Variants in HINT3 observed in about 807,000 individuals in gnomAD.
HINT3 encodes histidine triad nucleotide binding protein 3.
In HINT3, 16 loss-of-function variants were observed where a neutral mutation model predicts 19.1. That is an observed-to-expected ratio of 0.84 (90% CI 0.57 to 1.27). HINT3 has a LOEUF of 1.27. Among genes scored for constraint, HINT3 ranks in the 50% most tolerant of loss-of-function variants. The pLI, the probability that HINT3 is intolerant of heterozygous loss-of-function variation, is 0.00. For missense variants in HINT3, 197 were observed against 225.8 expected (o/e 0.87, Z 0.82); for synonymous variants, 75 against 84.8 (o/e 0.88, Z 0.63).
At chr6:125,961,230 A>G (rs1788920815) in intron 1 of HINT3, among the ~76,000 whole-genome samples, 1 of 152,194 alleles carries the variant, frequency 6.6e-6, no homozygotes, top group South Asian at 2.1e-4. Context: ...CAGTGGAAAA[A>G]CACAAACTGT....
At chr6:125,962,149 C>CATATATATATACACATATATAT (rs1788934693) in intron 1 of HINT3, among the ~76,000 whole-genome samples, 1 of 38,646 alleles carries the variant, frequency 2.6e-5, no homozygotes, top group Admixed American at 4.1e-4. Flanking sequence ...GATGGAAACC[C>CATATATATATACACATATATAT]ATATATATAT....
At chr6:125,976,448 A>G (rs1477602261) in intron 4 of HINT3, among the ~76,000 whole-genome samples, 1 of 150,232 alleles carries the variant, frequency 6.7e-6, no homozygotes, top group Non-Finnish European at 1.5e-5. Context: ...AGATACATAT[A>G]TATGTATGTG....
intron 3 of HINT3, among the ~76,000 whole-genome samples, chr6:125,974,385 T>C (rs1383086654): frequency 6.6e-6 from 1 of 151,922 alleles, no homozygotes; most frequent in African/African-American, 2.4e-5. Context: ...ACTGAAATAT[T>C]GTTGGTTTGG....
intron 1 of HINT3, among the ~76,000 whole-genome samples, chr6:125,959,726 A>C (rs544813428): frequency 6.6e-6 from 1 of 152,332 alleles, no homozygotes; most frequent in Admixed American, 6.5e-5. Context: ...CTTTTAAAAC[A>C]GTGAAACCTT....
chr6:125,964,587 G>T (rs747652057), intron 1 of HINT3, among the ~76,000 whole-genome samples: 1 of 151,940 alleles, frequency 6.6e-6, no homozygotes, highest in African/African-American at 2.4e-5. Flanking sequence ...TGTATATGAA[G>T]ATCTTCCTCA....
chr6:125,968,647 T>C (rs1176790337), intron 2 of HINT3, among the ~76,000 whole-genome samples: 1 of 152,226 alleles, frequency 6.6e-6, no homozygotes, highest in Non-Finnish European at 1.5e-5. Context: ...GTAAGTGTTA[T>C]GTTTTCTCTT....
chr6:125,974,836 T>C lies in HINT3; in HGVS notation c.390-11T>C, dbSNP rs376235645. 2.5e-6 allele frequency: 4 copies of C among 1,604,008 alleles called. No individual in the cohort carries two copies. The highest frequency in any genetic ancestry group is 3.4e-6 in the Non-Finnish European group (4 of 1,172,734). On this transcript the variant is annotated splice_polypyrimidine_tract_variant and intron_variant, in intron 3 of 4. Coordinates refer to ENST00000229633, the MANE Select transcript of HINT3 (RefSeq NM_138571.5). ...CTGGTTTGTCAATCATCTCTTTACT[T>C]TCTATTTTAGGATGGGTTTTCATAT...
rs1562211908 is a variant in HINT3 at position 125,962,153 on chromosome 6, TATATATACAC to T, written c.202-4726_202-4717del. 9.5e-5 allele frequency among the ~76,000 whole-genome samples: 6 copies of T among 63,120 alleles called. 1 individual carries two copies. Among genetic ancestry groups the T allele is most frequent in the South Asian group, 5.3e-4 (1 of 1,872 alleles). The allele number at this position is 63,120 out of a possible 152,430, so 41.4% of individuals were successfully genotyped here. Reference sequence around the variant, plus strand: ...CAGGAATCGTGGATGGAAACCCATATATATATACACATATATATATATATATATATATACA... The same window carrying T: ...CAGGAATCGTGGATGGAAACCCATATATATATATATATATATATATATACA... On this transcript the variant is annotated intron_variant, in intron 1 of 4. Coordinates refer to ENST00000229633, the MANE Select transcript of HINT3 (RefSeq NM_138571.5).
chr6:125,959,228 G>A (rs1408548583), intron 1 of HINT3, among the ~76,000 whole-genome samples: 1 of 152,084 alleles, frequency 6.6e-6, no homozygotes, highest in Non-Finnish European at 1.5e-5. Flanking sequence ...AAAAAGAAGG[G>A]AAGCGATGAG....
rs2128710056 is a variant in HINT3, at chr6:125,956,849, G to C, written c.-129G>C. The C allele has an allele frequency of 1.0e-6, 1 of 991,652 alleles. No homozygotes were observed. The highest frequency in any genetic ancestry group is 2.6e-5 in the East Asian group (1 of 37,938). The allele number at this position is 991,652 out of a possible 1,614,324, so 61.4% of individuals were successfully genotyped here. ...GTCTCCTTCCCTCTCCCCAAAGCCT[G>C]GATCACCGCCCAGCGTCAGGCGAGG... On this transcript the variant is annotated 5_prime_UTR_variant, in exon 1 of 5. Coordinates refer to ENST00000229633, the MANE Select transcript of HINT3 (RefSeq NM_138571.5).
At chr6:125,972,720 T>TG (rs1393678488) in intron 3 of HINT3, among the ~76,000 whole-genome samples, 1 of 152,094 alleles carries the variant, frequency 6.6e-6, no homozygotes, top group Non-Finnish European at 1.5e-5. Context: ...CCAGAGTAGC[T>TG]GGGACCACAG....
intron 3 of HINT3, among the ~76,000 whole-genome samples, chr6:125,972,906 G>A (rs1435702924): frequency 6.6e-6 from 1 of 151,720 alleles, no homozygotes; most frequent in East Asian, 1.9e-4. Context: ...ACTTTTCTTT[G>A]TTCAATATGG....
At chr6:125,960,665 GA>G (rs71551729) in intron 1 of HINT3, among the ~76,000 whole-genome samples, 1,457 of 112,100 alleles carry the variant, frequency 0.013, 125 homozygotes, top group African/African-American at 0.031. Flanking sequence ...TGGGGGGGGG[GA>G]AAAAAAAAGA....
chr6:125,972,196 C>A, intron 2 of HINT3, 63 bp from the exon 3 acceptor site: 2 of 1,044,328 alleles, frequency 1.9e-6, no homozygotes, highest in Non-Finnish European at 2.9e-6. Flanking sequence ...GAGTGAAGAT[C>A]AATGGCAATT....
chr6:125,963,522 G>A lies in HINT3; in HGVS notation c.202-3365G>A, dbSNP rs553702916. ...TTAAAGAAATCTGAAACAGTTATTC[G>A]TTGTATTTAAATTGTTTATTAGAGT... On this transcript the variant is annotated intron_variant, in intron 1 of 4. Transcript: ENST00000229633. 2.0e-5 allele frequency among the ~76,000 whole-genome samples: 3 copies of A among 152,260 alleles called. No homozygotes were observed. The South Asian group carries it at 6.2e-4, about 32-fold the overall frequency.
At chr6:125,969,043 C>G (rs946612136) in intron 2 of HINT3, among the ~76,000 whole-genome samples, 4 of 152,052 alleles carry the variant, frequency 2.6e-5, no homozygotes, top group African/African-American at 9.7e-5. Context: ...GTTTTTATTG[C>G]GTTGCTCTTG....
At chr6:125,962,032 G>A (rs1788932793) in intron 1 of HINT3, among the ~76,000 whole-genome samples, 1 of 151,430 alleles carries the variant, frequency 6.6e-6, no homozygotes, top group Admixed American at 6.6e-5. Flanking sequence ...CAGAGAGATT[G>A]TGAGAGAGAT....
intron 1 of HINT3, among the ~76,000 whole-genome samples, chr6:125,962,543 A>G (rs1295406548): frequency 6.6e-6 from 1 of 152,114 alleles, no homozygotes; most frequent in Non-Finnish European, 1.5e-5. Flanking sequence ...TCATTCAAAT[A>G]TATTCATTGC....
chr6:125,958,429 A>AG (rs1344753053), intron 1 of HINT3, among the ~76,000 whole-genome samples: 2 of 152,180 alleles, frequency 1.3e-5, no homozygotes, highest in Non-Finnish European at 2.9e-5. Flanking sequence ...GCGGAGTTAT[A>AG]GGAAGGGGGT....
Sources: gnomAD v4.1 joint callset for allele counts (sites outside exome capture counted in the v4.1 genomes callset) on GRCh38, gnomAD v4.1.1 for gene constraint, MANE v1.5 for transcripts, NCBI Gene and HGNC (gene_info 2026-07-23, HGNC 2026-07-21) for gene names.